The following ELP3 variants were observed in gnomAD, a reference collection of about 807,000 sequenced individuals.
ELP3 encodes elongator acetyltransferase complex subunit 3.
ELP3 carries 56 observed loss-of-function variants against 74.9 expected under a neutral mutation model. The ratio of observed to expected loss-of-function variants is 0.75; its 90% CI spans 0.60 to 0.93. The LOEUF is 0.93. ELP3 is among the 40% of genes least tolerant of loss of function. The probability of loss-of-function intolerance (pLI) is 0.00; values close to 1 mark genes in which losing one functional copy is unlikely to be tolerated. For missense variants in ELP3, 573 were observed against 686.5 expected (o/e 0.83, Z 1.85); for synonymous variants, 222 against 239.8 (o/e 0.93, Z 0.68).
At chr8:28,143,216 A>G (rs1813312253) in intron 10 of ELP3, among the ~76,000 whole-genome samples, 1 of 152,118 alleles carries the variant, frequency 6.6e-6, no homozygotes, top group Admixed American at 6.5e-5. Context: ...AATGTATTAC[A>G]TCTTGTGTTT....
At chr8:28,177,897 T>G (rs1814827302) in intron 14 of ELP3, among the ~76,000 whole-genome samples, 1 of 152,268 alleles carries the variant, frequency 6.6e-6, no homozygotes, top group Non-Finnish European at 1.5e-5. Context: ...TATTTCTTCC[T>G]CTGTTACATC....
chr8:28,136,241 T>C (rs767206284), intron 9 of ELP3, among the ~76,000 whole-genome samples: 17 of 152,162 alleles, frequency 1.1e-4, no homozygotes, highest in Non-Finnish European at 2.1e-4. Context: ...GGATTACAGG[T>C]GTGAGCCACT....
At chr8:28,144,129 T>A (rs777633911) in intron 10 of ELP3, among the ~76,000 whole-genome samples, 6 of 152,234 alleles carry the variant, frequency 3.9e-5, no homozygotes, top group Non-Finnish European at 7.3e-5. Flanking sequence ...ATAAATATTG[T>A]CTTTTTATTG....
intron 10 of ELP3, among the ~76,000 whole-genome samples, chr8:28,143,927 A>C (rs1206770194): frequency 6.6e-6 from 1 of 152,234 alleles, no homozygotes; most frequent in East Asian, 1.9e-4. Flanking sequence ...GGATTATACC[A>C]GTTTAAAGTA....
Position 28,175,223 on chromosome 8 carries a change from T to A in ELP3, c.1567+13145T>A, listed in dbSNP as rs545500028. On this transcript the variant is annotated intron_variant, in intron 14 of 14. Transcript: ENST00000256398. The stretch of plus-strand genomic sequence containing the variant: ...ATTCAGCCATTTCTTTAAACATTTT[T>A]TTCTACCCTTTATGTCTCTCATCTC... Among the ~76,000 whole-genome samples the A allele has an allele frequency of 5.3e-5, 8 of 152,308 alleles. No individual in the cohort carries two copies. In the South Asian group the frequency reaches 1.7e-3, roughly 32 times the overall value.
At chr8:28,189,550 T>G in intron 14 of ELP3, 99 bp from the exon 15 acceptor site, 1 of 1,063,080 alleles carries the variant, frequency 9.4e-7, no homozygotes, top group Non-Finnish European at 1.4e-6. Context: ...GAGAATTTGG[T>G]CTCTGGGTGG....
chr8:28,163,271 T>C (rs1814172982), intron 14 of ELP3, among the ~76,000 whole-genome samples: 1 of 152,202 alleles, frequency 6.6e-6, no homozygotes, highest in Non-Finnish European at 1.5e-5. Context: ...TTATTTTTCA[T>C]CCAGCATGTT....
In ELP3 at chr8:28,190,660, G is replaced by A. The variant is rs1815427329; in HGVS notation, c.*935G>A. ...TCTCACTGCATCCTCCGCCTCCCGG[G>A]TTCAAGCGATTCTCCCGCCTCAGCC... is the stretch of plus-strand genomic sequence containing the variant. On this transcript the variant is annotated 3_prime_UTR_variant, in exon 15 of 15. Coordinates refer to ENST00000256398, the MANE Select transcript of ELP3 (RefSeq NM_018091.6). The A allele has an allele frequency of 1.3e-5, 2 of 151,944 alleles. No individual in the cohort carries two copies. The allele number at this position is 151,944 out of a possible 1,614,324, so 9.4% of individuals were successfully genotyped here. A position where few individuals can be genotyped will look rare whatever the true frequency, so the allele number is the denominator to read the frequency against.
At chr8:28,167,782 C>G (rs1416780813) in intron 14 of ELP3, among the ~76,000 whole-genome samples, 1 of 152,130 alleles carries the variant, frequency 6.6e-6, no homozygotes, top group African/African-American at 2.4e-5. Flanking sequence ...CTGTATATTC[C>G]TCTGTTCCAT....
At chr8:28,174,754 G>A (rs969992906) in intron 14 of ELP3, among the ~76,000 whole-genome samples, 2 of 151,992 alleles carry the variant, frequency 1.3e-5, no homozygotes, top group African/African-American at 2.4e-5. Context: ...TTCTTCATAT[G>A]GTTCCAAGTT....
chr8:28,177,670 A>G (rs1275052275), intron 14 of ELP3, among the ~76,000 whole-genome samples: 2 of 152,244 alleles, frequency 1.3e-5, no homozygotes, highest in African/African-American at 2.4e-5. Flanking sequence ...AATTCTGTCT[A>G]AGAACACATT....
intron 10 of ELP3, among the ~76,000 whole-genome samples, chr8:28,141,604 T>C (rs1405633980): frequency 6.6e-6 from 1 of 152,222 alleles, no homozygotes; most frequent in African/African-American, 2.4e-5. Flanking sequence ...AATATCCTCG[T>C]AGGAAATATT....
intron 11 of ELP3, among the ~76,000 whole-genome samples, chr8:28,156,618 C>G (rs1813838895): frequency 6.6e-6 from 1 of 152,174 alleles, no homozygotes; most frequent in Non-Finnish European, 1.5e-5. Flanking sequence ...CTTCTTAGAG[C>G]TGCTAAAGGG....
chr8:28,131,215 G>T (rs1235760779), intron 8 of ELP3, among the ~76,000 whole-genome samples: 1 of 152,218 alleles, frequency 6.6e-6, no homozygotes. Context: ...GTTTCATTTG[G>T]CTACACTAAG....
chr8:28,105,667 A>T (rs988810162), intron 3 of ELP3, among the ~76,000 whole-genome samples: 3 of 152,204 alleles, frequency 2.0e-5, no homozygotes, highest in Non-Finnish European at 4.4e-5. Context: ...TTATCAGTCT[A>T]CCATATGTTG....
At chr8:28,165,903 T>C (rs910151683) in intron 14 of ELP3, among the ~76,000 whole-genome samples, 1 of 152,210 alleles carries the variant, frequency 6.6e-6, no homozygotes, top group Admixed American at 6.5e-5. Context: ...ATTATCTTTT[T>C]AAAAAGATGA....
At position 28,113,166 on chromosome 8, in the gene ELP3, G is replaced by T; in HGVS notation, c.610G>T (p.Ala204Ser). The change falls in exon 7 of 15, where the codon GCA (alanine) becomes TCA (serine). Residue 204 changes from alanine (A) to serine (S), a missense_variant. Coordinates refer to ENST00000256398, the MANE Select transcript of ELP3 (RefSeq NM_018091.6). Reference protein sequence around the residue: ...SGHTSNNIYEAVKYSERSLTK... With the variant: ...SGHTSNNIYESVKYSERSLTK... ...ACATACTTCCAACAATATTTACGAG[G>T]CAGTCAAGTAAGAAATTCTTATTTT... 6.2e-7 allele frequency: 1 copy of T among 1,612,494 alleles called. No homozygotes were observed. The highest frequency in any genetic ancestry group is 1.3e-5 in the African/African-American group (1 of 74,944).
At chr8:28,157,960 T>C (rs1378609067) in intron 11 of ELP3, among the ~76,000 whole-genome samples, 2 of 151,102 alleles carry the variant, frequency 1.3e-5, no homozygotes, top group Non-Finnish European at 3.0e-5. Flanking sequence ...TAGCTCTAGG[T>C]TCCTCCTCCC....
In ELP3 at chr8:28,190,372, C is replaced by G. The variant is rs563675544; in HGVS notation, c.*647C>G. 6.6e-6 allele frequency: 1 copy of G among 152,192 alleles called. No individual in the cohort carries two copies. Among genetic ancestry groups the G allele is most frequent in the South Asian group, 2.1e-4 (1 of 4,824 alleles). 9.4% of individuals were successfully genotyped at this position (152,192 alleles called of 1,614,324 possible). On this transcript the variant is annotated 3_prime_UTR_variant, in exon 15 of 15. Coordinates refer to ENST00000256398, the MANE Select transcript of ELP3 (RefSeq NM_018091.6). Reference sequence around the variant, plus strand: ...CCAGGCGGGAGTCTACCATCCGAGACGGCGATGACAAAGAGCTTCATTCCA... The same window carrying G: ...CCAGGCGGGAGTCTACCATCCGAGAGGGCGATGACAAAGAGCTTCATTCCA...
Sources: gnomAD v4.1 joint callset for allele counts (sites outside exome capture counted in the v4.1 genomes callset) on GRCh38, gnomAD v4.1.1 for gene constraint, MANE v1.5 for transcripts, NCBI Gene and HGNC (gene_info 2026-07-23, HGNC 2026-07-21) for gene names.